The following GABRA4 variants were observed in gnomAD, a reference collection of about 807,000 sequenced individuals.
GABRA4 encodes gamma-aminobutyric acid type A receptor subunit alpha4.
A neutral mutation model predicts 49.7 loss-of-function variants in GABRA4; 12 were observed. The observed-to-expected ratio is 0.24, with a 90% confidence interval of 0.15 to 0.39. The LOEUF (loss-of-function observed/expected upper bound fraction) is 0.39, where lower values mean the gene tolerates loss of function less well. GABRA4 is among the 10% of genes least tolerant of loss of function. The probability of loss-of-function intolerance (pLI) is 1.00; values close to 1 mark genes in which losing one functional copy is unlikely to be tolerated. For synonymous variants in GABRA4, 288 were observed against 240.2 expected, an observed-to-expected ratio of 1.20 and a Z score of -1.84; for missense variants, 506 against 686.0, an observed-to-expected ratio of 0.74 and a Z score of 2.93.
rs773549735 is a variant in GABRA4, at chr4:46,928,240, T to C, written c.1650A>G (p.Ser550=). ...VYLSKDTMEK[S]ESLM is the part of the protein sequence containing the mutation. ...AGCAACGAAATTACATTAGACTTTC[T>C]GATTTCTCCATAGTGTCCTTAGATA... The change falls in exon 9 of 9, where the codon TCA becomes TCG. Residue 550 remains serine, a synonymous_variant. Transcript: ENST00000264318. The C allele has an allele frequency of 1.2e-6, 2 of 1,606,646 alleles. No homozygotes were observed. The highest frequency in any genetic ancestry group is 2.7e-5 in the African/African-American group (2 of 74,626).
chr4:46,988,966 T>C (rs148462757), intron 2 of GABRA4, among the ~76,000 whole-genome samples: 4 of 152,336 alleles, frequency 2.6e-5, no homozygotes, highest in African/African-American at 9.6e-5. Flanking sequence ...CCTTATCTCT[T>C]TGTGTTGTCG....
At position 46,964,909 on chromosome 4, in the gene GABRA4, G is replaced by C. The variant is rs533249589; in HGVS notation, c.1134+61C>G. 14 of 1,483,016 alleles carry C rather than the reference G, an allele frequency of 9.4e-6. No individual in the cohort carries two copies. In the African/African-American group the frequency reaches 1.3e-4, roughly 14 times the overall value. 91.9% of individuals were successfully genotyped at this position (1,483,016 alleles called of 1,614,324 possible). A position where few individuals can be genotyped will look rare whatever the true frequency, so the allele number is the denominator to read the frequency against. ...TTTTAAGTTCTCAGTTTGTTTCCCT[G>C]ACAAAATAAATTTGACCAAGAAGCT... On this transcript the variant is annotated intron_variant, in intron 8 of 8. Transcript: ENST00000264318.
intron 2 of GABRA4, among the ~76,000 whole-genome samples, chr4:46,990,214 C>T (rs558082242): frequency 6.6e-6 from 1 of 152,310 alleles, no homozygotes; most frequent in South Asian, 2.1e-4. Flanking sequence ...GTTAATTCGA[C>T]CCTTTCCCAT....
At chr4:46,948,424 T>C (rs768940806) in intron 8 of GABRA4, among the ~76,000 whole-genome samples, 2 of 152,136 alleles carry the variant, frequency 1.3e-5, no homozygotes, top group South Asian at 2.1e-4. Flanking sequence ...AAGAATATTA[T>C]GGTGAGCTAG....
chr4:46,930,636 T>A (rs185593069), intron 8 of GABRA4, among the ~76,000 whole-genome samples: 1,656 of 86,708 alleles, frequency 0.019, 26 homozygotes, highest in African/African-American at 0.06. Flanking sequence ...AAGAAATACA[T>A]TTTTTTTTCA....
At position 46,977,124 on chromosome 4, in the gene GABRA4, A is replaced by G; in HGVS notation, c.514T>C (p.Cys172Arg). 1 of 1,607,602 alleles carries G rather than the reference A, an allele frequency of 6.2e-7. No homozygotes were observed. The highest frequency in any genetic ancestry group is 8.5e-7 in the Non-Finnish European group (1 of 1,175,616). Residue 172 changes from cysteine (C) to arginine (R), a missense_variant, in exon 5 of 9, where the codon TGT becomes CGT. This residue lies in a region of GABRA4 where 195 missense variants were observed against 326.0 expected (regional missense o/e 0.60). Transcript: ENST00000264318. ...YTMRLTISAE[C>R]PMRLVDFPMD... ...GGAAAATCCACCAATCTCATGGGAC[A>G]CTCCGCACTTATGGTGAGTCTATGA...
intron 8 of GABRA4, among the ~76,000 whole-genome samples, chr4:46,963,131 A>C (rs1722638818): frequency 6.6e-6 from 1 of 151,914 alleles, no homozygotes; most frequent in Non-Finnish European, 1.5e-5. Flanking sequence ...TGCACAGCCA[A>C]GTATACAATC....
chr4:46,946,837 C>T (rs112394871), intron 8 of GABRA4, among the ~76,000 whole-genome samples: 43 of 152,074 alleles, frequency 2.8e-4, no homozygotes, highest in African/African-American at 1.0e-3. Flanking sequence ...GAACACAAAG[C>T]AATAATAAAA....
chr4:46,936,112 T>C (rs1258511233), intron 8 of GABRA4, among the ~76,000 whole-genome samples: 3 of 152,276 alleles, frequency 2.0e-5, no homozygotes, highest in East Asian at 3.9e-4. Flanking sequence ...TGCTTTTAAC[T>C]GAACTATCTA....
intron 2 of GABRA4, among the ~76,000 whole-genome samples, chr4:46,991,457 G>C (rs545862901): frequency 6.6e-5 from 10 of 152,228 alleles, no homozygotes; most frequent in Non-Finnish European, 1.3e-4. Context: ...GTGAAGGCTA[G>C]AAAGAGTTTC....
chr4:46,950,287 C>T (rs538000259), intron 8 of GABRA4, among the ~76,000 whole-genome samples: 38 of 152,124 alleles, frequency 2.5e-4, no homozygotes, highest in Non-Finnish European at 4.9e-4. Flanking sequence ...AGAGGATGTG[C>T]CCCCATTAGG....
chr4:46,934,536 C>T (rs1239301056), intron 8 of GABRA4, among the ~76,000 whole-genome samples: 1 of 152,146 alleles, frequency 6.6e-6, no homozygotes, highest in Non-Finnish European at 1.5e-5. Context: ...TTAATTTCCT[C>T]CCAATGTTGG....
chr4:46,929,381 A>T (rs1006937545), intron 8 of GABRA4, among the ~76,000 whole-genome samples: 2 of 152,088 alleles, frequency 1.3e-5, no homozygotes, highest in South Asian at 4.1e-4. Context: ...TCAATTAATG[A>T]TGAAAATACA....
At chr4:46,930,162 TGTA>T (rs1721379670) in intron 8 of GABRA4, among the ~76,000 whole-genome samples, 1 of 152,096 alleles carries the variant, frequency 6.6e-6, no homozygotes. Flanking sequence ...CATGTCAGCT[TGTA>T]GTATTCTTCT....
rs192969032 is a variant in GABRA4, at chr4:46,970,107, A to G, written c.874+976T>C. On this transcript the variant is annotated intron_variant, in intron 7 of 8. Coordinates refer to ENST00000264318, the MANE Select transcript of GABRA4 (RefSeq NM_000809.4). ...AGAGTATTTCAGATCCATTGAGGAC[A>G]CTAAGACACCCTAATCAATAGTTCT... is the stretch of plus-strand genomic sequence containing the variant. Among the ~76,000 whole-genome samples, 10 of 151,514 alleles carry G rather than the reference A, an allele frequency of 6.6e-5. No individual in the cohort carries two copies. In the East Asian group the frequency reaches 2.0e-3, roughly 30 times the overall value.
chr4:46,938,323 T>G (rs1721669194), intron 8 of GABRA4, among the ~76,000 whole-genome samples: 1 of 152,248 alleles, frequency 6.6e-6, no homozygotes, highest in African/African-American at 2.4e-5. Flanking sequence ...TGTGCTATGA[T>G]GAATAGCCAT....
At chr4:46,971,048 T>C in intron 7 of GABRA4, 35 bp downstream of exon 7, 1 of 1,587,736 alleles carries the variant, frequency 6.3e-7, no homozygotes. Flanking sequence ...AAATGTAATG[T>C]GAACAAAAAC....
chr4:46,937,331 C>G (rs527788464), intron 8 of GABRA4, among the ~76,000 whole-genome samples: 2 of 152,234 alleles, frequency 1.3e-5, no homozygotes, highest in Non-Finnish European at 2.9e-5. Flanking sequence ...TTTAAGCTAG[C>G]CTGTCTGTGC....
intron 7 of GABRA4, among the ~76,000 whole-genome samples, chr4:46,969,882 T>C (rs564332185): frequency 2.0e-5 from 3 of 151,462 alleles, no homozygotes; most frequent in Non-Finnish European, 3.0e-5. Context: ...TATTCTTTAA[T>C]TGAACCCTTA....
Sources: gnomAD v4.1 joint callset for allele counts (sites outside exome capture counted in the v4.1 genomes callset) on GRCh38, gnomAD v4.1.1 for gene constraint, gnomAD v4.1.1 regional missense constraint, MANE v1.5 for transcripts, NCBI Gene and HGNC (gene_info 2026-07-23, HGNC 2026-07-21) for gene names.